Variants in MAF observed in about 807,000 individuals in gnomAD.
MAF encodes the protein MAF bZIP transcription factor.
MAF carries 10 observed loss-of-function variants against 22.0 expected under a neutral mutation model. That is an observed-to-expected ratio of 0.45 (90% CI 0.28 to 0.77). The LOEUF (loss-of-function observed/expected upper bound fraction) is 0.77. Ranked by LOEUF, MAF falls within the 30% of genes least tolerant of loss-of-function variation. The pLI is 0.12. For synonymous variants in MAF, 337 were observed against 255.8 expected (o/e 1.32, Z -3.03); for missense variants, 544 against 548.4 (o/e 0.99, Z 0.08).
chr16:79,298,926 T>C, the MAF span, among the ~76,000 whole-genome samples: 5 of 152,254 alleles, frequency 3.3e-5, no homozygotes, highest in East Asian at 1.9e-4. Context: ...TTGGGAAGCA[T>C]TGTGTGGTAG....
At chr16:79,439,305 A>G in the MAF span, among the ~76,000 whole-genome samples, 2 of 125,016 alleles carry the variant, frequency 1.6e-5, no homozygotes, top group South Asian at 2.5e-4. Flanking sequence ...TCTGCCACCC[A>G]GGCTGGAGTG....
the MAF span, among the ~76,000 whole-genome samples, chr16:79,335,244 T>C: frequency 6.6e-6 from 1 of 150,924 alleles, no homozygotes; most frequent in Non-Finnish European, 1.5e-5. Context: ...ATCAATCATA[T>C]TTTGGGGGCT....
At chr16:79,290,102 C>G in the MAF span, among the ~76,000 whole-genome samples, 1 of 152,028 alleles carries the variant, frequency 6.6e-6, no homozygotes, top group African/African-American at 2.4e-5. Flanking sequence ...TGTGATCCAC[C>G]CACCTCGGCC....
At chr16:79,389,853 G>GTA in the MAF span, among the ~76,000 whole-genome samples, 3 of 151,472 alleles carry the variant, frequency 2.0e-5, no homozygotes, top group African/African-American at 7.3e-5. Flanking sequence ...GTGGGCGCCT[G>GTA]TAGTCCCAGC....
the MAF span, among the ~76,000 whole-genome samples, chr16:79,531,727 G>A: frequency 2.0e-5 from 3 of 152,116 alleles, no homozygotes; most frequent in Admixed American, 1.3e-4. Context: ...GAATGATGGG[G>A]AGTGGCTGTA....
the MAF span, among the ~76,000 whole-genome samples, chr16:79,431,766 A>G: frequency 6.6e-6 from 1 of 152,224 alleles, no homozygotes; most frequent in Non-Finnish European, 1.5e-5. Context: ...TTCTGCACAG[A>G]GAAACATGAT....
chr16:79,433,708 G>C, the MAF span, among the ~76,000 whole-genome samples: 3 of 152,116 alleles, frequency 2.0e-5, no homozygotes, highest in African/African-American at 4.8e-5. Context: ...AGCACACCTG[G>C]TGCCTTCTGT....
chr16:79,435,467 A>G, the MAF span, among the ~76,000 whole-genome samples: 1 of 152,218 alleles, frequency 6.6e-6, no homozygotes, highest in African/African-American at 2.4e-5. Context: ...TAAAGCTACT[A>G]TTCATTGAGC....
At chr16:79,524,408 C>T in the MAF span, among the ~76,000 whole-genome samples, 3 of 152,130 alleles carry the variant, frequency 2.0e-5, no homozygotes, top group East Asian at 3.9e-4. Flanking sequence ...GCAAATGAAA[C>T]TTATCTAACC....
chr16:79,392,724 C>T, the MAF span, among the ~76,000 whole-genome samples: 1 of 152,152 alleles, frequency 6.6e-6, no homozygotes, highest in Non-Finnish European at 1.5e-5. Context: ...CCCACACCGC[C>T]ATGCTGAGTA....
chr16:79,349,098 C>T, the MAF span, among the ~76,000 whole-genome samples: 1 of 152,218 alleles, frequency 6.6e-6, no homozygotes, highest in Non-Finnish European at 1.5e-5. Context: ...CAGGTGTTTG[C>T]TAATTCTCAT....
the MAF span, among the ~76,000 whole-genome samples, chr16:79,304,658 A>G: frequency 6.6e-6 from 1 of 152,156 alleles, no homozygotes; most frequent in Non-Finnish European, 1.5e-5. Context: ...GGAGTTCTTA[A>G]ACATCAAGCC....
chr16:79,533,939 A>G, the MAF span, among the ~76,000 whole-genome samples: 1 of 152,196 alleles, frequency 6.6e-6, no homozygotes, highest in Non-Finnish European at 1.5e-5. Context: ...GAGACAACAG[A>G]GGGCAAGGAA....
At chr16:79,397,428 A>G in the MAF span, among the ~76,000 whole-genome samples, 1 of 152,226 alleles carries the variant, frequency 6.6e-6, no homozygotes, top group Non-Finnish European at 1.5e-5. Context: ...TGATATTTGA[A>G]TATTTCTACT....
chr16:79,331,640 G>A, the MAF span, among the ~76,000 whole-genome samples: 1 of 152,130 alleles, frequency 6.6e-6, no homozygotes, highest in Non-Finnish European at 1.5e-5. Flanking sequence ...CCATACAAGA[G>A]CCACAGACAT....
At chr16:79,211,098 G>A in the MAF span, among the ~76,000 whole-genome samples, 2 of 150,646 alleles carry the variant, frequency 1.3e-5, no homozygotes, top group African/African-American at 4.9e-5. Context: ...CCTTCCCCTA[G>A]CAGCACCGTG....
At chr16:79,272,646 G>A in the MAF span, among the ~76,000 whole-genome samples, 577 of 152,316 alleles carry the variant, frequency 3.8e-3, 1 homozygote, top group African/African-American at 0.013. Flanking sequence ...AGAGAAGACC[G>A]TAAAGCACAC....
the MAF span, among the ~76,000 whole-genome samples, chr16:79,487,513 A>AT: frequency 3.1e-4 from 47 of 152,090 alleles, no homozygotes; most frequent in Non-Finnish European, 5.4e-4. Context: ...GAAAGAAGGC[A>AT]TTTTTTCTGT....
the MAF span, among the ~76,000 whole-genome samples, chr16:79,216,090 C>A: frequency 1.5e-3 from 222 of 152,292 alleles, 1 homozygote; most frequent in African/African-American, 5.3e-3. Flanking sequence ...TATTCTATGG[C>A]CAACCCTATT....
Sources: gnomAD v4.1 joint callset for allele counts (sites outside exome capture counted in the v4.1 genomes callset) on GRCh38, gnomAD v4.1.1 for gene constraint, MANE v1.5 for transcripts, NCBI Gene and HGNC (gene_info 2026-07-23, HGNC 2026-07-21) for gene names.